ADGRB3: variants seen among roughly 807,000 people sequenced by gnomAD.
ADGRB3 encodes the protein brain-specific angiogenesis inhibitor 3.
ADGRB3 carries 37 observed loss-of-function variants against 193.4 expected under a neutral mutation model. The ratio of observed to expected loss-of-function variants is 0.19; its 90% confidence interval spans 0.15 to 0.25. The LOEUF (loss-of-function observed/expected upper bound fraction) is 0.25, where lower values mean the gene tolerates loss of function less well. Ranked by LOEUF, ADGRB3 falls within the 10% of genes least tolerant of loss-of-function variation. The pLI is 1.00. For synonymous variants in ADGRB3, 690 were observed against 644.2 expected (o/e 1.07, Z -1.08); for missense variants, 1,637 against 1,852.9 (o/e 0.88, Z 2.14).
At chr6:69,135,273 C>T (rs1441006997) in intron 17 of ADGRB3, among the ~76,000 whole-genome samples, 1 of 136,406 alleles carries the variant, frequency 7.3e-6, no homozygotes, top group African/African-American at 2.6e-5. Context: ...TACTATTCAG[C>T]AAAAATCACA....
chr6:69,356,952 T>G (rs760366141), intron 28 of ADGRB3, among the ~76,000 whole-genome samples: 25 of 152,112 alleles, frequency 1.6e-4, no homozygotes, highest in Non-Finnish European at 3.1e-4. Context: ...ATTTTACCTT[T>G]TATTTGTTGA....
At chr6:69,295,571 A>G (rs552175096) in intron 20 of ADGRB3, among the ~76,000 whole-genome samples, 7 of 152,244 alleles carry the variant, frequency 4.6e-5, no homozygotes, top group Admixed American at 1.3e-4. Context: ...ATCTGGGAAC[A>G]ATAATGTTTT....
Position 69,217,949 on chromosome 6 carries a change from G to A in ADGRB3, c.2481-15341G>A, listed in dbSNP as rs142883678. Among the ~76,000 whole-genome samples, 24 of 151,690 alleles carry A rather than the reference G, an allele frequency of 1.6e-4. No individual in the cohort carries two copies. The East Asian group carries it at 2.7e-3, about 17-fold the overall frequency. ...GTATGATACAGGTGATGAGGAGCTCGCCTCACTCTTAAACAAGGATGCAAA... is the reference window on the plus strand; with the variant it reads ...GTATGATACAGGTGATGAGGAGCTCACCTCACTCTTAAACAAGGATGCAAA... On this transcript the variant is annotated intron_variant, in intron 17 of 31. Transcript: ENST00000370598.
chr6:69,124,092 A>AT (rs11430097), intron 17 of ADGRB3, among the ~76,000 whole-genome samples: 64,382 of 150,504 alleles, frequency 0.43, 15,288 homozygotes, highest in East Asian at 0.95. Context: ...ATGACTCTGA[A>AT]TTTTTTTTTT....
Position 68,717,240 on chromosome 6 carries a change from A to G in ADGRB3, c.757+77808A>G, listed in dbSNP as rs74533966. Among the ~76,000 whole-genome samples the G allele has an allele frequency of 5.4e-4, 82 of 151,868 alleles. 1 individual carries two copies. In the East Asian group the frequency reaches 0.012, roughly 22 times the overall value. The stretch of plus-strand genomic sequence containing the variant: ...TAAGTGTTAAACATGCACAGTTCTT[A>G]TAAAGGTTCTTATAGCAATATATCT... On this transcript the variant is annotated intron_variant, in intron 3 of 31. Coordinates refer to ENST00000370598, the MANE Select transcript of ADGRB3 (RefSeq NM_001704.3).
In ADGRB3 at chr6:68,975,295, C is replaced by T. The variant is rs1396640409; in HGVS notation, c.1689C>T (p.Ser563=). The T allele has an allele frequency of 6.2e-7, 1 of 1,614,034 alleles. No homozygotes were observed. Among genetic ancestry groups the T allele is most frequent in the East Asian group, 2.2e-5 (1 of 44,864 alleles). The stretch of plus-strand genomic sequence containing the variant: ...GAGTGGCCTTCTGGGAACAGCCGAG[C>T]TTTGCAAGATGCATATCAAATGAGT... The part of the protein sequence containing the change: ...LHGVAFWEQP[S]FARCISNEYR... Residue 563 remains serine, a synonymous_variant, in exon 10 of 32, where the codon AGC becomes AGT. Transcript: ENST00000370598.
intron 20 of ADGRB3, among the ~76,000 whole-genome samples, chr6:69,314,817 G>C (rs571610660): frequency 6.6e-6 from 1 of 151,540 alleles, no homozygotes; most frequent in East Asian, 1.9e-4. Flanking sequence ...AAAGGCTTCT[G>C]ATTCTATTTT....
At chr6:68,906,924 C>T (rs1343144501) in intron 3 of ADGRB3, among the ~76,000 whole-genome samples, 2 of 151,972 alleles carry the variant, frequency 1.3e-5, no homozygotes, top group African/African-American at 2.4e-5. Flanking sequence ...TGCTTCTGTA[C>T]TGTCTCTTCA....
intron 3 of ADGRB3, among the ~76,000 whole-genome samples, chr6:68,921,784 G>A (rs1767050048): frequency 6.6e-6 from 1 of 151,692 alleles, no homozygotes; most frequent in Admixed American, 6.6e-5. Flanking sequence ...CTGAGGTATA[G>A]AGAGACTAGA....
intron 13 of ADGRB3, among the ~76,000 whole-genome samples, chr6:69,031,104 CT>C (rs1702248497): frequency 4.1e-5 from 3 of 73,442 alleles, no homozygotes; most frequent in African/African-American, 1.5e-4. Flanking sequence ...CTCTTCTCTT[CT>C]CTTCTCTTCT....
At chr6:69,217,399 A>G (rs573024472) in intron 17 of ADGRB3, among the ~76,000 whole-genome samples, 2 of 152,302 alleles carry the variant, frequency 1.3e-5, no homozygotes, top group Non-Finnish European at 2.9e-5. Context: ...GAAAAAAAAG[A>G]TTTTTATGAT....
At chr6:68,870,186 G>A (rs9346257) in intron 3 of ADGRB3, among the ~76,000 whole-genome samples, 2 of 151,968 alleles carry the variant, frequency 1.3e-5, no homozygotes, top group African/African-American at 2.4e-5. Context: ...GCATTATTTC[G>A]CATGAAGACT....
At chr6:68,688,785 T>G (rs1765023624) in intron 3 of ADGRB3, among the ~76,000 whole-genome samples, 1 of 152,172 alleles carries the variant, frequency 6.6e-6, no homozygotes, top group Non-Finnish European at 1.5e-5. Context: ...ACCTCTTGTT[T>G]CTGAAAGCTT....
At chr6:69,382,329 C>T (rs1310686155) in intron 30 of ADGRB3, among the ~76,000 whole-genome samples, 2 of 151,874 alleles carry the variant, frequency 1.3e-5, no homozygotes, top group Non-Finnish European at 2.9e-5. Context: ...ATTTCAGACA[C>T]TTTAATGCTT....
chr6:69,254,172 A>C (rs1331944651), intron 20 of ADGRB3, among the ~76,000 whole-genome samples: 1 of 152,194 alleles, frequency 6.6e-6, no homozygotes, highest in Non-Finnish European at 1.5e-5. Context: ...TCTGTCTAGA[A>C]ACCATTTATG....
chr6:69,232,517 C>G, intron 17 of ADGRB3: 1 of 1,535,498 alleles, frequency 6.5e-7, no homozygotes, highest in Non-Finnish European at 8.7e-7. Context: ...TTCTAGCGGA[C>G]TTGGGGTTAG....
chr6:69,339,854 C>CA (rs1768939103), intron 26 of ADGRB3, among the ~76,000 whole-genome samples: 1 of 152,146 alleles, frequency 6.6e-6, no homozygotes, highest in Non-Finnish European at 1.5e-5. Flanking sequence ...GTTTTAAAGA[C>CA]ACAGTTCATG....
At chr6:68,751,132 C>T (rs1766190582) in intron 3 of ADGRB3, among the ~76,000 whole-genome samples, 1 of 152,184 alleles carries the variant, frequency 6.6e-6, no homozygotes, top group Non-Finnish European at 1.5e-5. Context: ...GCTCTACTAC[C>T]TAACAGTACT....
chr6:68,986,505 A>AAAT (rs1281594036), intron 10 of ADGRB3, among the ~76,000 whole-genome samples: 2 of 152,342 alleles, frequency 1.3e-5, no homozygotes, highest in East Asian at 3.9e-4. Context: ...GAAAATTAAG[A>AAAT]AATATTCATT....
Sources: allele counts gnomAD v4.1 joint callset (sites outside exome capture counted in the v4.1 genomes callset), GRCh38; gene constraint gnomAD v4.1.1; transcripts MANE v1.5; gene names NCBI Gene and HGNC (gene_info 2026-07-23, HGNC 2026-07-21).